The following CDH13 variants were observed in gnomAD, a reference collection of about 807,000 sequenced individuals.
The protein encoded by CDH13 is cadherin-13.
CDH13 carries 24 observed loss-of-function variants against 63.8 expected under a neutral mutation model. The observed-to-expected ratio is 0.38, with a 90% CI of 0.27 to 0.53. The LOEUF is 0.53. Among genes scored for constraint, CDH13 ranks in the 20% least tolerant of loss-of-function variants. CDH13 has a pLI of 0.85. For missense variants in CDH13, 1,049 were observed against 903.1 expected, an observed-to-expected ratio of 1.16 and a Z score of -2.07; for synonymous variants, 503 against 355.3, an observed-to-expected ratio of 1.42 and a Z score of -4.67.
At chr16:82,847,259 C>G (rs1016772774) in intron 1 of CDH13, among the ~76,000 whole-genome samples, 1 of 152,162 alleles carries the variant, frequency 6.6e-6, no homozygotes, top group African/African-American at 2.4e-5. Context: ...CAATTTAAAA[C>G]GAACATAGTA....
At chr16:82,905,576 T>C (rs1028968717) in intron 2 of CDH13, among the ~76,000 whole-genome samples, 1 of 152,184 alleles carries the variant, frequency 6.6e-6, no homozygotes, top group African/African-American at 2.4e-5. Context: ...AAACCACATT[T>C]TCCTTAACCA....
chr16:83,395,953 C>A (rs1384803855), intron 6 of CDH13, among the ~76,000 whole-genome samples: 3 of 152,150 alleles, frequency 2.0e-5, no homozygotes, highest in African/African-American at 7.2e-5. Flanking sequence ...CTCCCTCCTC[C>A]CATCCTCCAC....
intron 1 of CDH13, among the ~76,000 whole-genome samples, chr16:82,792,626 A>G (rs906627183): frequency 6.6e-6 from 1 of 152,194 alleles, no homozygotes; most frequent in Non-Finnish European, 1.5e-5. Context: ...AACTCTGAGG[A>G]CAAAGCCTGG....
At chr16:82,750,388 A>G (rs891174144) in intron 1 of CDH13, among the ~76,000 whole-genome samples, 1 of 152,010 alleles carries the variant, frequency 6.6e-6, no homozygotes, top group African/African-American at 2.4e-5. Flanking sequence ...ACCAGCCTCA[A>G]TCTTTATCTT....
chr16:82,634,673 A>G (rs1908433313), intron 1 of CDH13, among the ~76,000 whole-genome samples: 4 of 152,264 alleles, frequency 2.6e-5, no homozygotes, highest in Admixed American at 2.0e-4. Flanking sequence ...TGAAGCTGAA[A>G]GTATTTACTA....
chr16:83,751,805 A>G (rs1230728016), intron 11 of CDH13, among the ~76,000 whole-genome samples: 2 of 152,260 alleles, frequency 1.3e-5, no homozygotes, highest in Admixed American at 6.5e-5. Flanking sequence ...CTGGTCCAGA[A>G]ATCAGGAATG....
intron 4 of CDH13, among the ~76,000 whole-genome samples, chr16:83,176,208 A>AC (rs1309458627): frequency 1.3e-5 from 2 of 151,914 alleles, no homozygotes; most frequent in East Asian, 3.9e-4. Flanking sequence ...ATGACTTGTA[A>AC]AACGTTGTAC....
At chr16:82,768,877 C>T (rs1597513889) in intron 1 of CDH13, among the ~76,000 whole-genome samples, 1 of 152,156 alleles carries the variant, frequency 6.6e-6, no homozygotes, top group South Asian at 2.1e-4. Context: ...CCTTTCACAC[C>T]TTTAATATTT....
At chr16:82,778,808 A>G (rs1035463390) in intron 1 of CDH13, among the ~76,000 whole-genome samples, 2 of 152,168 alleles carry the variant, frequency 1.3e-5, no homozygotes, top group African/African-American at 4.8e-5. Context: ...AAACATGGCA[A>G]AGACCACCAC....
At chr16:83,625,657 C>T (rs938179735) in intron 8 of CDH13, among the ~76,000 whole-genome samples, 2 of 152,212 alleles carry the variant, frequency 1.3e-5, no homozygotes, top group African/African-American at 2.4e-5. Flanking sequence ...TGGTGGGTCT[C>T]ATGCACTTGT....
chr16:82,708,653 G>C (rs749131782), intron 1 of CDH13, among the ~76,000 whole-genome samples: 19 of 151,978 alleles, frequency 1.3e-4, no homozygotes, highest in Non-Finnish European at 2.4e-4. Context: ...GATCTGATTC[G>C]CCCAGCTCAA....
intron 1 of CDH13, among the ~76,000 whole-genome samples, chr16:82,751,140 A>G (rs2034397105): frequency 6.6e-6 from 1 of 152,182 alleles, no homozygotes; most frequent in Admixed American, 6.5e-5. Context: ...GTGGAAAGCC[A>G]GATGTGTACC....
chr16:82,844,387 G>T (rs1020430152), intron 1 of CDH13: 2 of 151,810 alleles, frequency 1.3e-5, no homozygotes, highest in Admixed American at 6.6e-5. Context: ...GGATCACAAG[G>T]TCAGGAGGTC....
intron 3 of CDH13, among the ~76,000 whole-genome samples, chr16:83,097,356 G>C (rs2034257495): frequency 6.6e-6 from 1 of 152,172 alleles, no homozygotes; most frequent in South Asian, 2.1e-4. Flanking sequence ...ACCTAAGAGA[G>C]CTCAAGATTA....
At chr16:83,616,480 C>T (rs1909292356) in intron 8 of CDH13, among the ~76,000 whole-genome samples, 1 of 152,122 alleles carries the variant, frequency 6.6e-6, no homozygotes, top group Admixed American at 6.6e-5. Context: ...AGCAATTTTT[C>T]ACTATAGCTG....
chr16:82,944,214 C>T (rs776809255), intron 2 of CDH13, among the ~76,000 whole-genome samples: 8 of 152,168 alleles, frequency 5.3e-5, no homozygotes, highest in Non-Finnish European at 1.2e-4. Flanking sequence ...TGTGGAAGGG[C>T]CCTAATTTGG....
chr16:83,213,482 C>G (rs2039397798), intron 4 of CDH13, among the ~76,000 whole-genome samples: 1 of 151,992 alleles, frequency 6.6e-6, no homozygotes, highest in African/African-American at 2.4e-5. Flanking sequence ...AGAGAAGGGT[C>G]AAGAAAAGAT....
intron 7 of CDH13, among the ~76,000 whole-genome samples, chr16:83,577,552 T>C (rs935305136): frequency 2.0e-5 from 3 of 152,194 alleles, no homozygotes; most frequent in African/African-American, 7.2e-5. Context: ...CAGATGCCCC[T>C]ATGGGAATTA....
At chr16:82,636,476 G>A (rs1467928077) in intron 1 of CDH13, among the ~76,000 whole-genome samples, 2 of 152,188 alleles carry the variant, frequency 1.3e-5, no homozygotes, top group African/African-American at 4.8e-5. Context: ...GACTTTTCAT[G>A]CACAAGATAT....
Sources: allele counts gnomAD v4.1 joint callset (sites outside exome capture counted in the v4.1 genomes callset), GRCh38; gene constraint gnomAD v4.1.1; transcripts MANE v1.5; gene names NCBI Gene and HGNC (gene_info 2026-07-23, HGNC 2026-07-21).